The following SLIT2 variants were observed in gnomAD, a reference collection of about 807,000 sequenced individuals.
SLIT2 encodes slit guidance ligand 2.
SLIT2 carries 41 observed loss-of-function variants against 185.7 expected under a neutral mutation model. That is an observed-to-expected ratio of 0.22 (90% CI 0.17 to 0.29). The LOEUF is 0.29. Ranked by LOEUF, SLIT2 falls within the 10% of genes least tolerant of loss-of-function variation. The probability of loss-of-function intolerance (pLI) is 1.00; values close to 1 mark genes in which losing one functional copy is unlikely to be tolerated. For synonymous variants in SLIT2, 693 were observed against 680.2 expected (o/e 1.02, Z -0.29); for missense variants, 1,571 against 1,909.0 (o/e 0.82, Z 3.30).
rs113076288 is a variant in SLIT2 at position 20,539,714 on chromosome 4, G to A, written c.1976+130G>A. 1,438 of 519,040 alleles carry A rather than the reference G, an allele frequency of 2.8e-3. 24 individuals are homozygous for A. Among genetic ancestry groups the A allele is most frequent in the African/African-American group, 0.026 (1,320 of 50,636 alleles). 32.2% of individuals were successfully genotyped at this position (519,040 alleles called of 1,614,324 possible). ...TTAGGACTTAAAAAAGGACAAACTT[G>A]TTCACATCAAATTTATTTAAATTTT... On this transcript the variant is annotated intron_variant, in intron 19 of 36. Transcript: ENST00000504154.
chr4:20,413,527 T>C (rs757196827), intron 4 of SLIT2, among the ~76,000 whole-genome samples: 26 of 152,062 alleles, frequency 1.7e-4, no homozygotes, highest in Non-Finnish European at 3.1e-4. Context: ...CCATTCATAG[T>C]TGAAAGTTGG....
intron 6 of SLIT2, among the ~76,000 whole-genome samples, chr4:20,481,110 C>T (rs1323644928): frequency 2.0e-5 from 3 of 151,762 alleles, no homozygotes; most frequent in Non-Finnish European, 4.4e-5. Context: ...AAAAAAAAAC[C>T]TCTTAGTAGC....
At chr4:20,391,638 A>G (rs1274466951) in intron 4 of SLIT2, among the ~76,000 whole-genome samples, 1 of 152,130 alleles carries the variant, frequency 6.6e-6, no homozygotes, top group Admixed American at 6.6e-5. Context: ...TTCTGATTCA[A>G]CCATACAATA....
chr4:20,254,727 G>T lies in SLIT2; in HGVS notation c.179+733G>T, dbSNP rs78540661. 0.052 allele frequency among the ~76,000 whole-genome samples: 7,862 copies of T among 152,138 alleles called. 339 individuals are homozygous for T. The highest frequency in any genetic ancestry group is 0.12 in the African/African-American group (5,052 of 41,514). ...GCGAAGTTAGCACTGGTTCTCCAGC[G>T]CAAACCAGCCCAACCAGGTCTTACC... On this transcript the variant is annotated intron_variant, in intron 1 of 36. Coordinates refer to ENST00000504154, the MANE Select transcript of SLIT2 (RefSeq NM_004787.4). The surrounding 1 kb of genome is among the most constrained non-coding windows in gnomAD (Gnocchi z 5.1).
At chr4:20,460,624 A>G (rs1376814886) in intron 4 of SLIT2, among the ~76,000 whole-genome samples, 1 of 152,044 alleles carries the variant, frequency 6.6e-6, no homozygotes, top group Non-Finnish European at 1.5e-5. Context: ...CGTCTCCCCA[A>G]CCTGCTTCAC....
chr4:20,599,042 G>A (rs539550043), intron 33 of SLIT2, among the ~76,000 whole-genome samples: 1 of 152,230 alleles, frequency 6.6e-6, no homozygotes, highest in South Asian at 2.1e-4. Flanking sequence ...TACCTCAGAG[G>A]TTTATTGAGC....
chr4:20,594,367 G>A (rs1727798984), intron 30 of SLIT2, among the ~76,000 whole-genome samples: 1 of 151,604 alleles, frequency 6.6e-6, no homozygotes, highest in Non-Finnish European at 1.5e-5. Flanking sequence ...GCAGTTATGT[G>A]TATATGTATG....
At chr4:20,563,254 TCTC>T (rs1016310756) in intron 26 of SLIT2, among the ~76,000 whole-genome samples, 1 of 151,796 alleles carries the variant, frequency 6.6e-6, no homozygotes, top group Non-Finnish European at 1.5e-5. Flanking sequence ...CCTCGACTGT[TCTC>T]CTTCATTTTA....
rs1033918346 is a variant in SLIT2 at position 20,484,953 on chromosome 4, C to A, written c.540-1247C>A. Among the ~76,000 whole-genome samples, 1 of 152,154 alleles carries A rather than the reference C, an allele frequency of 6.6e-6. No individual in the cohort carries two copies. On this transcript the variant is annotated intron_variant, in intron 6 of 36. Transcript: ENST00000504154. This position sits in a 1 kb window ranked among gnomAD's most constrained non-coding sequence, Gnocchi z 4.3. ...ATATTTTTGCACGTGGCCTGCTTCG[C>A]TCATTTCTGTTCTCTGCTCAGGCCC...
At chr4:20,613,231 G>T (rs1729378508) in intron 34 of SLIT2, among the ~76,000 whole-genome samples, 1 of 152,038 alleles carries the variant, frequency 6.6e-6, no homozygotes, top group African/African-American at 2.4e-5. Flanking sequence ...CATTCATAAT[G>T]GCAAAGACAT....
intron 11 of SLIT2, among the ~76,000 whole-genome samples, chr4:20,518,731 C>T (rs1388700023): frequency 3.6e-4 from 50 of 137,332 alleles, no homozygotes; most frequent in South Asian, 1.7e-3. Flanking sequence ...CAGCCTCCCG[C>T]GCAGCTGGGA....
intron 4 of SLIT2, among the ~76,000 whole-genome samples, chr4:20,316,214 A>T (rs1022835866): frequency 6.6e-6 from 1 of 152,068 alleles, no homozygotes; most frequent in Non-Finnish European, 1.5e-5. Flanking sequence ...AGGAGTTTAC[A>T]CTTCTGCAGG....
chr4:20,342,903 A>ATTTTCTTTC (rs919824583), intron 4 of SLIT2, among the ~76,000 whole-genome samples: 26 of 149,596 alleles, frequency 1.7e-4, no homozygotes, highest in African/African-American at 6.4e-4. Flanking sequence ...TTCTTCCTTC[A>ATTTTCTTTC]TTTTCTTTCT....
At chr4:20,370,084 C>T (rs999217193) in intron 4 of SLIT2, among the ~76,000 whole-genome samples, 11 of 152,018 alleles carry the variant, frequency 7.2e-5, no homozygotes, top group African/African-American at 2.7e-4. Context: ...GGGAGAGGCC[C>T]AGCAAGCTGC....
At chr4:20,319,119 A>G (rs1718836146) in intron 4 of SLIT2, among the ~76,000 whole-genome samples, 1 of 152,132 alleles carries the variant, frequency 6.6e-6, no homozygotes, top group South Asian at 2.1e-4. Flanking sequence ...AGGGGAAAAG[A>G]CTGTTGTTAT....
intron 4 of SLIT2, among the ~76,000 whole-genome samples, chr4:20,292,474 T>G (rs1188859270): frequency 6.6e-6 from 1 of 152,102 alleles, no homozygotes; most frequent in Non-Finnish European, 1.5e-5. Context: ...CTGGGTGATA[T>G]AGTGAGACCT....
intron 4 of SLIT2, among the ~76,000 whole-genome samples, chr4:20,446,167 G>A (rs1273575344): frequency 6.6e-6 from 1 of 152,120 alleles, no homozygotes; most frequent in Non-Finnish European, 1.5e-5. Context: ...TTTTCTCAGT[G>A]GTTTGCCCAC....
intron 33 of SLIT2, among the ~76,000 whole-genome samples, chr4:20,603,463 T>C (rs1728561324): frequency 2.0e-5 from 3 of 152,238 alleles, no homozygotes; most frequent in African/African-American, 7.2e-5. Context: ...TAAATTTTTA[T>C]TCTCAAGTAG....
At chr4:20,535,239 C>T (rs1412253972) in intron 18 of SLIT2, among the ~76,000 whole-genome samples, 12 of 152,036 alleles carry the variant, frequency 7.9e-5, no homozygotes, top group African/African-American at 2.9e-4. Context: ...GCGGAGATTG[C>T]AGTGAGCCGA....
Sources: allele counts gnomAD v4.1 joint callset (sites outside exome capture counted in the v4.1 genomes callset), GRCh38; gene constraint gnomAD v4.1.1; non-coding constraint Gnocchi (gnomAD v3.1); transcripts MANE v1.5; gene names NCBI Gene and HGNC (gene_info 2026-07-23, HGNC 2026-07-21).